TEX48: variants seen among roughly 807,000 people sequenced by gnomAD.
The protein encoded by TEX48 is testis expressed 48, also known as testis-expressed protein 48.
TEX48 carries 10 observed loss-of-function variants against 13.2 expected under a neutral mutation model. The ratio of observed to expected loss-of-function variants is 0.75; its 90% CI spans 0.47 to 1.28. The LOEUF (loss-of-function observed/expected upper bound fraction) is 1.28. Ranked by LOEUF, TEX48 falls within the 50% of genes most tolerant of loss-of-function variation. The probability of loss-of-function intolerance (pLI) is 0.00; values close to 1 mark genes in which losing one functional copy is unlikely to be tolerated. For synonymous variants in TEX48, 45 were observed against 52.3 expected, an observed-to-expected ratio of 0.86 and a Z score of 0.60; for missense variants, 116 against 139.4, an observed-to-expected ratio of 0.83 and a Z score of 0.84.
chr9:114,676,604 G>A (rs1029982991), intron 1 of TEX48, among the ~76,000 whole-genome samples: 1 of 149,104 alleles, frequency 6.7e-6, no homozygotes, highest in Non-Finnish European at 1.5e-5. Context: ...TGGAAGCAGG[G>A]ACAGTATTTT....
intron 1 of TEX48, among the ~76,000 whole-genome samples, chr9:114,681,419 A>G (rs1478651555): frequency 2.6e-5 from 4 of 152,226 alleles, no homozygotes; most frequent in African/African-American, 9.6e-5. Flanking sequence ...CTCTGGGGGT[A>G]TAATTCTTGG....
chr9:114,666,644 C>T lies in TEX48; in HGVS notation c.362G>A (p.Ter121=), dbSNP rs1432082458. 16 of 1,521,040 alleles carry T rather than the reference C, an allele frequency of 1.1e-5. No homozygotes were observed. The highest frequency in any genetic ancestry group is 4.1e-5 in the African/African-American group (3 of 72,292). 94.2% of individuals were successfully genotyped at this position (1,521,040 alleles called of 1,614,324 possible). ...CTGTGCAGCCGCCGGCTAGAATGCT[C>T]AGGGCCTCCCAGTGAGGCATGGCTG... The part of the protein sequence containing the change: ...PFQPCLTGRP[*] Residue 121 remains the stop codon, a stop_retained_variant, in exon 5 of 5, where the codon TGA becomes TAA. Transcript: ENST00000436752.
chr9:114,670,128 T>G (rs748856555), intron 3 of TEX48, among the ~76,000 whole-genome samples: 7 of 152,220 alleles, frequency 4.6e-5, no homozygotes, highest in African/African-American at 7.2e-5. Flanking sequence ...AGAGTTATCA[T>G]GGGGATTAAA....
At chr9:114,671,852 G>T in intron 1 of TEX48, 25 bp from the exon 2 acceptor site, 2 of 1,032,680 alleles carry the variant, frequency 1.9e-6, no homozygotes, top group Non-Finnish European at 2.9e-6. Context: ...GACCGTGGCT[G>T]AAAAATGCTA....
Position 114,666,600 on chromosome 9 carries a change from C to T in TEX48, c.*43G>A, listed in dbSNP as rs931780255. On this transcript the variant is annotated 3_prime_UTR_variant, in exon 5 of 5. Coordinates refer to ENST00000436752, the MANE Select transcript of TEX48 (RefSeq NM_001199233.2). ...GACTCCTGTCCACCGCCCTCTTCCT[C>T]ATGGAGATGCCCCAGCAGCTGTGCA... 8.5e-7 allele frequency: 1 copy of T among 1,175,988 alleles called. No individual in the cohort carries two copies. Among genetic ancestry groups the T allele is most frequent in the Non-Finnish European group, 1.2e-6 (1 of 839,122 alleles). The allele number at this position is 1,175,988 out of a possible 1,614,324, so 72.8% of individuals were successfully genotyped here.
chr9:114,674,899 G>T (rs1017565111), intron 1 of TEX48, among the ~76,000 whole-genome samples: 7 of 143,358 alleles, frequency 4.9e-5, no homozygotes, highest in Non-Finnish European at 9.0e-5. Context: ...GGCTGGTCTT[G>T]AAATCAAGTG....
At chr9:114,666,881 A>G in intron 4 of TEX48, 135 bp from the exon 5 acceptor site, 1 of 593,138 alleles carries the variant, frequency 1.7e-6, no homozygotes, top group Non-Finnish European at 3.0e-6. Flanking sequence ...GGCAGACCCT[A>G]GTCTAGGACT....
Position 114,671,408 on chromosome 9 carries a change from G to A in TEX48, c.102C>T (p.Thr34=), listed in dbSNP as rs1827943538. The change falls in exon 3 of 5, where the codon ACC becomes ACT. Residue 34 remains threonine, a synonymous_variant. Transcript: ENST00000436752. ...TTTGGGTCGATGGCTTGTGCTCCTG[G>A]GTTTGACTGGGAACCTTGGAGTCAT... ...AINDSKVPSQ[T]QEHKPSTQNL... 6.5e-7 allele frequency: 1 copy of A among 1,535,280 alleles called. No homozygotes were observed.
intron 1 of TEX48, among the ~76,000 whole-genome samples, chr9:114,675,205 C>T (rs1396307441): frequency 6.6e-6 from 1 of 152,168 alleles, no homozygotes; most frequent in Non-Finnish European, 1.5e-5. Context: ...AGTAAAAGCA[C>T]TTGCAGGCCC....
Position 114,674,643 on chromosome 9 carries a change from TTCCTTCCTTCCTTCCTTCCTTCC to T in TEX48, c.-104-2839_-104-2817del, listed in dbSNP as rs1429963285. Among the ~76,000 whole-genome samples the T allele has an allele frequency of 6.0e-3, 828 of 137,996 alleles. 49 individuals carry two copies. The highest frequency in any genetic ancestry group is 0.019 in the African/African-American group (698 of 35,836). The allele number at this position is 137,996 out of a possible 152,430, so 90.5% of individuals were successfully genotyped here. A position where few individuals can be genotyped will look rare whatever the true frequency, so the allele number is the denominator to read the frequency against. ...CTTCCTTCCTTCCTTCCTTCCTTCC[TTCCTTCCTTCCTTCCTTCCTTCC>T]TTCTTTCCTTCTCTCTTGCTCTCAC... On this transcript the variant is annotated intron_variant, in intron 1 of 4. Transcript: ENST00000436752.
intron 1 of TEX48, among the ~76,000 whole-genome samples, chr9:114,678,291 G>A (rs577503899): frequency 1.3e-5 from 2 of 151,944 alleles, no homozygotes; most frequent in Non-Finnish European, 2.9e-5. Flanking sequence ...TCCTTCCCCT[G>A]GCTGCCCAAA....
At chr9:114,678,513 A>G (rs966829548) in intron 1 of TEX48, among the ~76,000 whole-genome samples, 1 of 152,100 alleles carries the variant, frequency 6.6e-6, no homozygotes. Flanking sequence ...TTCGTTACTT[A>G]TTGTCTTGGA....
intron 1 of TEX48, among the ~76,000 whole-genome samples, chr9:114,676,998 A>G (rs533338333): frequency 5.4e-4 from 83 of 152,334 alleles, no homozygotes; most frequent in Non-Finnish European, 1.0e-3. Context: ...GAATAAACAC[A>G]TGAACCTTCT....
chr9:114,668,909 T>A (rs1827891272), intron 3 of TEX48, among the ~76,000 whole-genome samples: 1 of 152,082 alleles, frequency 6.6e-6, no homozygotes, highest in South Asian at 2.1e-4. Flanking sequence ...TGATCATAGC[T>A]CCCTGTAACC....
Position 114,671,806 on chromosome 9 carries a change from G to C in TEX48, c.-83C>G, listed in dbSNP as rs938187434. The stretch of plus-strand genomic sequence containing the variant: ...TCAGCCAGTCTTGAGTTTGAGCCCA[G>C]TTCACTGGGCTGGGCTGTTTCCTAA... On this transcript the variant is annotated 5_prime_UTR_variant, in exon 2 of 5. Transcript: ENST00000436752. 6 of 1,460,310 alleles carry C rather than the reference G, an allele frequency of 4.1e-6. No individual in the cohort carries two copies. In the South Asian group the frequency reaches 6.1e-5, roughly 15 times the overall value. 90.5% of individuals were successfully genotyped at this position (1,460,310 alleles called of 1,614,324 possible).
rs1296058791 is a variant in TEX48 at position 114,671,512 on chromosome 9, GA to G, written c.5-8del. 5.3e-6 allele frequency: 8 copies of G among 1,508,642 alleles called. No individual in the cohort carries two copies. In the Admixed American group the frequency reaches 1.5e-4, roughly 28 times the overall value. The allele number at this position is 1,508,642 out of a possible 1,614,324, so 93.5% of individuals were successfully genotyped here. A position where few individuals can be genotyped will look rare whatever the true frequency, so the allele number is the denominator to read the frequency against. On this transcript the variant is annotated splice_polypyrimidine_tract_variant and splice_region_variant and intron_variant, in intron 2 of 4. Transcript: ENST00000436752. The stretch of plus-strand genomic sequence containing the variant: ...ATCAGGTTTTGGTGGGCTGCTGTTG[GA>G]GGCAAAGGAATGAGGGGCATGGGTT...
chr9:114,681,685 C>T (rs1456724633), intron 1 of TEX48, among the ~76,000 whole-genome samples: 2 of 152,164 alleles, frequency 1.3e-5, no homozygotes, highest in Non-Finnish European at 2.9e-5. Context: ...TACCAGTGAC[C>T]CCCTCTAGAG....
chr9:114,671,936 A>C (rs1827957052), intron 1 of TEX48, 109 bp from the exon 2 acceptor site: 1 of 596,576 alleles, frequency 1.7e-6, no homozygotes, highest in East Asian at 2.8e-5. Flanking sequence ...ACATGCACAT[A>C]AACATGCTCA....
chr9:114,673,390 G>T (rs547246640), intron 1 of TEX48, among the ~76,000 whole-genome samples: 1 of 148,696 alleles, frequency 6.7e-6, no homozygotes, highest in South Asian at 2.1e-4. Context: ...AGAATCGCTT[G>T]AACCCTGGAG....
Sources: gnomAD v4.1 joint callset for allele counts (sites outside exome capture counted in the v4.1 genomes callset) on GRCh38, gnomAD v4.1.1 for gene constraint, MANE v1.5 for transcripts, NCBI Gene and HGNC (gene_info 2026-07-23, HGNC 2026-07-21) for gene names.